Variants in SLC9A9 observed in about 807,000 individuals in gnomAD.
The protein encoded by SLC9A9 is solute carrier family 9 member A9.
Under a neutral mutation model 77.8 loss-of-function variants are expected in SLC9A9, and 62 were observed. The ratio of observed to expected loss-of-function variants is 0.80; its 90% CI spans 0.65 to 0.98. SLC9A9 has a LOEUF of 0.98. Ranked by LOEUF, SLC9A9 falls within the 50% of genes least tolerant of loss-of-function variation. The pLI, the probability that SLC9A9 is intolerant of heterozygous loss-of-function variation, is 0.00. For missense variants in SLC9A9, 775 were observed against 774.9 expected, an observed-to-expected ratio of 1.00 and a Z score of 0.00; for synonymous variants, 320 against 283.5, an observed-to-expected ratio of 1.13 and a Z score of -1.29.
chr3:143,491,878 G>A (rs190971512), intron 11 of SLC9A9, among the ~76,000 whole-genome samples: 8 of 152,280 alleles, frequency 5.3e-5, no homozygotes, highest in Admixed American at 3.9e-4. Context: ...TCCCAGAAAC[G>A]TTTTGAAAAA....
intron 4 of SLC9A9, among the ~76,000 whole-genome samples, chr3:143,764,416 A>T (rs1331544893): frequency 6.6e-6 from 1 of 152,220 alleles, no homozygotes; most frequent in East Asian, 1.9e-4. Context: ...AATTCAACTT[A>T]TATTCCCACA....
intron 2 of SLC9A9, among the ~76,000 whole-genome samples, chr3:143,828,578 C>CAG (rs1320449473): frequency 1.3e-5 from 2 of 152,048 alleles, no homozygotes; most frequent in African/African-American, 4.8e-5. Context: ...CACACACACA[C>CAG]ACACAGAGAG....
chr3:143,655,378 G>C (rs2038871080), intron 5 of SLC9A9: 1 of 751,154 alleles, frequency 1.3e-6, no homozygotes. Flanking sequence ...GAGTTCTTGG[G>C]ACCACAAGAG....
intron 11 of SLC9A9, among the ~76,000 whole-genome samples, chr3:143,469,598 G>A (rs1437228225): frequency 6.6e-6 from 1 of 152,148 alleles, no homozygotes; most frequent in Non-Finnish European, 1.5e-5. Flanking sequence ...TTTGTTTCTA[G>A]GTTCTCAACT....
At chr3:143,642,343 C>T (rs1438671655) in intron 6 of SLC9A9, among the ~76,000 whole-genome samples, 1 of 152,162 alleles carries the variant, frequency 6.6e-6, no homozygotes, top group Non-Finnish European at 1.5e-5. Flanking sequence ...TCTCACATTT[C>T]ACAACAATAA....
intron 9 of SLC9A9, among the ~76,000 whole-genome samples, chr3:143,551,509 A>G (rs538625877): frequency 2.0e-5 from 3 of 152,214 alleles, no homozygotes; most frequent in South Asian, 4.2e-4. Context: ...CTTGGCCTCA[A>G]ATGCCCTTGT....
chr3:143,384,520 G>A (rs1394381260), intron 12 of SLC9A9, among the ~76,000 whole-genome samples: 1 of 152,166 alleles, frequency 6.6e-6, no homozygotes, highest in Non-Finnish European at 1.5e-5. Flanking sequence ...AATTTTATAA[G>A]AAGCCCAACA....
At chr3:143,602,773 C>T (rs929599075) in intron 6 of SLC9A9, among the ~76,000 whole-genome samples, 3 of 152,160 alleles carry the variant, frequency 2.0e-5, no homozygotes, top group African/African-American at 7.2e-5. Flanking sequence ...TTGACTTCCC[C>T]AAAGAAACCC....
intron 12 of SLC9A9, among the ~76,000 whole-genome samples, chr3:143,388,096 T>G (rs77955595): frequency 0.015 from 2,259 of 151,972 alleles, 21 homozygotes; most frequent in Non-Finnish European, 0.022. Flanking sequence ...AAGGGAAGAG[T>G]GGCTGGAGAT....
intron 12 of SLC9A9, among the ~76,000 whole-genome samples, chr3:143,396,004 C>A (rs1368393461): frequency 6.6e-6 from 1 of 152,196 alleles, no homozygotes; most frequent in African/African-American, 2.4e-5. Flanking sequence ...GTTGGTGGGA[C>A]TGTAAGCTAG....
At chr3:143,718,551 T>C (rs1188490999) in intron 4 of SLC9A9, among the ~76,000 whole-genome samples, 1 of 152,192 alleles carries the variant, frequency 6.6e-6, no homozygotes, top group African/African-American at 2.4e-5. Flanking sequence ...AGCTCTCACC[T>C]GGAGCTGAAA....
At chr3:143,604,277 G>A (rs895872051) in intron 6 of SLC9A9, among the ~76,000 whole-genome samples, 4 of 152,192 alleles carry the variant, frequency 2.6e-5, no homozygotes, top group African/African-American at 4.8e-5. Context: ...TCAAGGTACT[G>A]TGAATTTGTT....
At chr3:143,560,653 G>T (rs978398839) in intron 8 of SLC9A9, among the ~76,000 whole-genome samples, 1 of 150,278 alleles carries the variant, frequency 6.7e-6, no homozygotes, top group Admixed American at 6.6e-5. Flanking sequence ...CAACAATATT[G>T]GAATGTGAAA....
At chr3:143,624,247 C>A (rs1289267407) in intron 6 of SLC9A9, among the ~76,000 whole-genome samples, 1 of 152,162 alleles carries the variant, frequency 6.6e-6, no homozygotes, top group Non-Finnish European at 1.5e-5. Flanking sequence ...AAGAGGGAAT[C>A]CTCCCTAACT....
intron 1 of SLC9A9, among the ~76,000 whole-genome samples, chr3:143,834,346 C>T (rs556028667): frequency 1.1e-4 from 17 of 152,252 alleles, no homozygotes; most frequent in Admixed American, 3.3e-4. Context: ...AGATCATCTA[C>T]ACTCTACGTG....
intron 14 of SLC9A9, among the ~76,000 whole-genome samples, chr3:143,326,755 CTAG>C (rs1303672153): frequency 1.3e-5 from 2 of 152,298 alleles, no homozygotes; most frequent in African/African-American, 4.8e-5. Flanking sequence ...TTTTCTCCCC[CTAG>C]TACATTGTTA....
At chr3:143,808,467 C>A (rs2008781481) in intron 2 of SLC9A9, among the ~76,000 whole-genome samples, 1 of 152,118 alleles carries the variant, frequency 6.6e-6, no homozygotes, top group East Asian at 1.9e-4. Context: ...GCTCTTAGTA[C>A]ATTTGACTTT....
chr3:143,310,608 C>T (rs564020371), intron 14 of SLC9A9, among the ~76,000 whole-genome samples: 1 of 151,674 alleles, frequency 6.6e-6, no homozygotes, highest in African/African-American at 2.4e-5. Context: ...TTCCTGCCCA[C>T]TTTCCTACAC....
At chr3:143,780,068 T>C (rs961170136) in intron 4 of SLC9A9, among the ~76,000 whole-genome samples, 1 of 152,250 alleles carries the variant, frequency 6.6e-6, no homozygotes, top group Non-Finnish European at 1.5e-5. Context: ...TTGATTTCTG[T>C]AGAAGCCTTA....
Sources: gnomAD v4.1 joint callset for allele counts (sites outside exome capture counted in the v4.1 genomes callset) on GRCh38, gnomAD v4.1.1 for gene constraint, MANE v1.5 for transcripts, NCBI Gene and HGNC (gene_info 2026-07-23, HGNC 2026-07-21) for gene names.